The following TLL1 variants were observed in gnomAD, a reference collection of about 807,000 sequenced individuals.
TLL1 encodes the protein tolloid-like protein 1.
In TLL1, 49 loss-of-function variants were observed where a neutral mutation model predicts 128.2. That is an observed-to-expected ratio of 0.38 (90% confidence interval 0.30 to 0.48). TLL1 has a LOEUF of 0.48. Ranked by LOEUF, TLL1 falls within the 20% of genes least tolerant of loss-of-function variation. The pLI is 0.96. For synonymous variants in TLL1, 454 were observed against 418.8 expected (o/e 1.08, Z -1.03); for missense variants, 1,123 against 1,242.0 (o/e 0.90, Z 1.44).
At chr4:165,997,083 A>G (rs1438720008) in intron 5 of TLL1, among the ~76,000 whole-genome samples, 1 of 152,102 alleles carries the variant, frequency 6.6e-6, no homozygotes, top group Non-Finnish European at 1.5e-5. Context: ...CTGGCAAAGC[A>G]TTATAATCAT....
At chr4:165,996,041 A>C (rs958107646) in intron 5 of TLL1, among the ~76,000 whole-genome samples, 1 of 151,768 alleles carries the variant, frequency 6.6e-6, no homozygotes, top group African/African-American at 2.4e-5. Flanking sequence ...TCACATCTTC[A>C]TGTTTTTGCT....
intron 1 of TLL1, among the ~76,000 whole-genome samples, chr4:165,930,883 G>A (rs1329119174): frequency 6.6e-6 from 1 of 152,130 alleles, no homozygotes; most frequent in Non-Finnish European, 1.5e-5. Context: ...CATATATGTA[G>A]TATAGTGACT....
chr4:165,898,156 A>G (rs536475284), intron 1 of TLL1, among the ~76,000 whole-genome samples: 76 of 152,322 alleles, frequency 5.0e-4, no homozygotes, highest in African/African-American at 1.7e-3. Context: ...TTCTAAATAT[A>G]CAGTCATGTC....
intron 1 of TLL1, among the ~76,000 whole-genome samples, chr4:165,887,449 T>A (rs1170252710): frequency 1.3e-5 from 2 of 151,538 alleles, no homozygotes; most frequent in South Asian, 2.1e-4. Context: ...AAAGGAGGAG[T>A]CAAAGATGAC....
intron 1 of TLL1, among the ~76,000 whole-genome samples, chr4:165,986,050 A>G (rs929787715): frequency 1.3e-5 from 2 of 151,916 alleles, no homozygotes; most frequent in African/African-American, 4.8e-5. Flanking sequence ...ACTAACCTCA[A>G]ATCATGTATT....
At chr4:165,981,077 G>A (rs989556255) in intron 1 of TLL1, among the ~76,000 whole-genome samples, 2 of 151,972 alleles carry the variant, frequency 1.3e-5, no homozygotes, top group African/African-American at 4.8e-5. Flanking sequence ...GCACATGAGA[G>A]AGTAACCAAT....
intron 15 of TLL1, among the ~76,000 whole-genome samples, chr4:166,064,808 C>T (rs188953080): frequency 6.6e-6 from 1 of 152,056 alleles, no homozygotes; most frequent in East Asian, 1.9e-4. Flanking sequence ...TCCCTAGCAG[C>T]ATTTTGCTTA....
intron 19 of TLL1, among the ~76,000 whole-genome samples, chr4:166,093,472 G>T (rs189598767): frequency 6.6e-6 from 1 of 152,130 alleles, no homozygotes; most frequent in African/African-American, 2.4e-5. Flanking sequence ...AACATGTCTC[G>T]CCTCCTGCCA....
intron 14 of TLL1, among the ~76,000 whole-genome samples, chr4:166,059,325 T>G (rs1199877555): frequency 1.3e-5 from 2 of 152,148 alleles, no homozygotes; most frequent in African/African-American, 4.8e-5. Context: ...TTCTTTTTAC[T>G]CAGCTTGCTT....
chr4:166,051,323 C>CTTCCTTCCTTCCTTCCTTCCTTCCTTCA (rs1739723468), intron 12 of TLL1, among the ~76,000 whole-genome samples: 1 of 135,008 alleles, frequency 7.4e-6, no homozygotes, highest in Non-Finnish European at 1.5e-5. Context: ...TCCTTCCTTC[C>CTTCCTTCCTTCCTTCCTTCCTTCCTTCA]TTCTTTCCTT....
intron 1 of TLL1, among the ~76,000 whole-genome samples, chr4:165,943,906 T>C (rs1202885685): frequency 6.6e-6 from 1 of 152,154 alleles, no homozygotes; most frequent in African/African-American, 2.4e-5. Context: ...CCGCTTTCCT[T>C]TTAGGAATTG....
chr4:165,967,699 C>T (rs1735453249), intron 1 of TLL1, among the ~76,000 whole-genome samples: 2 of 152,004 alleles, frequency 1.3e-5, no homozygotes, highest in Admixed American at 1.3e-4. Context: ...GTGGTGAGAG[C>T]ATGATGGGAC....
At chr4:166,026,601 T>G (rs1433817011) in intron 9 of TLL1, among the ~76,000 whole-genome samples, 1 of 152,032 alleles carries the variant, frequency 6.6e-6, no homozygotes, top group Non-Finnish European at 1.5e-5. Context: ...GCAGGATAAT[T>G]GCTTGAACCT....
chr4:166,002,449 T>C (rs1291867284), intron 5 of TLL1, among the ~76,000 whole-genome samples: 1 of 152,150 alleles, frequency 6.6e-6, no homozygotes, highest in Admixed American at 6.6e-5. Flanking sequence ...TTCCTTTCTT[T>C]TTTTCTTTTT....
rs1579611905 is a variant in TLL1 at position 166,005,083 on chromosome 4, TATC to T, written c.811+1520_811+1522del. ...TCTTTCAAAAATATTTTAAGAGGAA[TATC>T]ATCATGTGAGGGGAAATCTTCAAAA... is the stretch of plus-strand genomic sequence containing the variant. On this transcript the variant is annotated intron_variant, in intron 6 of 20. Transcript: ENST00000061240. Among the ~76,000 whole-genome samples, 3 of 152,088 alleles carry T rather than the reference TATC, an allele frequency of 2.0e-5. No individual in the cohort carries two copies. In the East Asian group the frequency reaches 5.8e-4, roughly 29 times the overall value.
chr4:165,889,014 G>A (rs1017781579), intron 1 of TLL1, among the ~76,000 whole-genome samples: 2 of 152,122 alleles, frequency 1.3e-5, no homozygotes, highest in African/African-American at 2.4e-5. Flanking sequence ...CATTCACTCA[G>A]TGATGAATAT....
At chr4:165,953,714 A>G (rs188049814) in intron 1 of TLL1, among the ~76,000 whole-genome samples, 161 of 151,972 alleles carry the variant, frequency 1.1e-3, no homozygotes, top group African/African-American at 3.6e-3. Context: ...TGCCATTTAC[A>G]CACCTCTTTA....
intron 6 of TLL1, among the ~76,000 whole-genome samples, chr4:166,006,357 AC>A (rs1737426041): frequency 6.6e-6 from 1 of 151,798 alleles, no homozygotes. Flanking sequence ...GTTGTTTTTA[AC>A]TAACAAAAAT....
At chr4:165,941,122 T>C (rs1733985780) in intron 1 of TLL1, among the ~76,000 whole-genome samples, 1 of 152,040 alleles carries the variant, frequency 6.6e-6, no homozygotes, top group African/African-American at 2.4e-5. Context: ...AAACTTAAAA[T>C]GGATGCCTTC....
Sources: allele counts gnomAD v4.1 joint callset (sites outside exome capture counted in the v4.1 genomes callset), GRCh38; gene constraint gnomAD v4.1.1; transcripts MANE v1.5; gene names NCBI Gene and HGNC (gene_info 2026-07-23, HGNC 2026-07-21).